The following DCDC1 variants were observed in gnomAD, a reference collection of about 807,000 sequenced individuals.
The protein encoded by DCDC1 is doublecortin domain-containing protein 1.
A neutral mutation model predicts 178.3 loss-of-function variants in DCDC1; 200 were observed. The ratio of observed to expected loss-of-function variants is 1.12; its 90% CI spans 1.00 to 1.26. DCDC1 has a LOEUF of 1.26. Ranked by LOEUF, DCDC1 falls within the 50% of genes most tolerant of loss-of-function variation. The pLI, the probability that DCDC1 is intolerant of heterozygous loss-of-function variation, is 0.00. For synonymous variants in DCDC1, 690 were observed against 604.8 expected (o/e 1.14, Z -2.07); for missense variants, 1,983 against 1,749.2 (o/e 1.13, Z -2.38).
intron 20 of DCDC1, among the ~76,000 whole-genome samples, chr11:31,048,668 A>G (rs1955027952): frequency 6.6e-6 from 1 of 152,174 alleles, no homozygotes; most frequent in South Asian, 2.1e-4. Flanking sequence ...CCTGGCTAAC[A>G]TGGTGAAACT....
At chr11:31,189,679 C>T (rs1969915285) in intron 9 of DCDC1, among the ~76,000 whole-genome samples, 2 of 152,306 alleles carry the variant, frequency 1.3e-5, no homozygotes, top group South Asian at 4.1e-4. Context: ...TCACTTCAAC[C>T]TTTGCTTCTG....
chr11:30,994,985 A>G (rs1175599623), intron 20 of DCDC1, among the ~76,000 whole-genome samples: 1 of 151,508 alleles, frequency 6.6e-6, no homozygotes, highest in Admixed American at 6.6e-5. Flanking sequence ...AGAAAGAAAT[A>G]TAAGAGTCCT....
At chr11:31,184,686 T>C (rs974693933) in intron 9 of DCDC1, among the ~76,000 whole-genome samples, 30 of 152,274 alleles carry the variant, frequency 2.0e-4, no homozygotes, top group African/African-American at 7.2e-4. Context: ...TCACTGGTCA[T>C]TAGAGAAATA....
Position 31,127,568 on chromosome 11 carries a change from G to C in DCDC1, c.1386C>G (p.Pro462=), listed in dbSNP as rs1171816852. The C allele has an allele frequency of 2.8e-6, 2 of 702,704 alleles. No homozygotes were observed. Among genetic ancestry groups the C allele is most frequent in the Non-Finnish European group, 5.2e-6 (2 of 384,802 alleles). The allele number at this position is 702,704 out of a possible 1,614,324, so 43.5% of individuals were successfully genotyped here. A position where few individuals can be genotyped will look rare whatever the true frequency, so the allele number is the denominator to read the frequency against. ...SNIGHLCKLG[P]QLQAEQEQFS... ...ATTGCTCCTGCTCAGCCTGTAATTG[G>C]GGGCCAAGTTTACAGAGATGACCTA... The change falls in exon 11 of 39, where the codon CCC becomes CCG. Residue 462 remains proline (P), a synonymous_variant. Transcript: ENST00000684477.
intron 21 of DCDC1, among the ~76,000 whole-genome samples, chr11:30,940,612 T>G (rs1947576785): frequency 6.6e-6 from 1 of 152,192 alleles, no homozygotes; most frequent in Admixed American, 6.6e-5. Flanking sequence ...CCCTGGAGTT[T>G]TGGTAACATT....
intron 20 of DCDC1, among the ~76,000 whole-genome samples, chr11:31,000,155 C>G (rs1393968915): frequency 1.3e-5 from 2 of 152,184 alleles, no homozygotes; most frequent in African/African-American, 2.4e-5. Context: ...AATCTTCCTT[C>G]AGACAAACAT....
At chr11:31,231,622 T>C (rs761242912) in intron 9 of DCDC1, among the ~76,000 whole-genome samples, 2 of 152,172 alleles carry the variant, frequency 1.3e-5, no homozygotes, top group African/African-American at 2.4e-5. Context: ...TCCTGCTCTT[T>C]GTATACCTTC....
chr11:30,905,022 G>T lies in DCDC1; in HGVS notation c.4247C>A (p.Ala1416Glu), dbSNP rs765341550. 1.2e-6 allele frequency: 2 copies of T among 1,613,738 alleles called. No homozygotes were observed. Among genetic ancestry groups the T allele is most frequent in the African/African-American group, 1.3e-5 (1 of 74,906 alleles). Residue 1416 changes from alanine (A) to glutamate (E), a missense_variant, in exon 31 of 39, where the codon GCA (alanine) becomes GAA (glutamate). Ala to Glu is a moderately radical substitution (Grantham distance 107). Transcript: ENST00000684477. ...ATHQKAVKII[A>E]YKNGDGYRNG... ...ACGATACCCATCCCCATTTTTGTAT[G>T]CAATTATTTTCACTGCCTTCTGGTG...
intron 22 of DCDC1, 53 bp downstream of exon 22, chr11:30,931,718 A>C (rs1220283250): frequency 2.7e-6 from 4 of 1,498,184 alleles, no homozygotes; most frequent in Non-Finnish European, 3.6e-6. Context: ...AAGAACACAA[A>C]ATCTGTACAA....
chr11:31,026,361 T>C (rs1203435978), intron 20 of DCDC1, among the ~76,000 whole-genome samples: 3 of 151,756 alleles, frequency 2.0e-5, no homozygotes, highest in Non-Finnish European at 4.4e-5. Flanking sequence ...TCAATTTGAG[T>C]CTAACATAAC....
At chr11:30,959,669 C>A (rs920159930) in intron 20 of DCDC1, among the ~76,000 whole-genome samples, 9 of 152,126 alleles carry the variant, frequency 5.9e-5, no homozygotes, top group Admixed American at 6.5e-5. Flanking sequence ...CCAGTGACTG[C>A]CTAAAAGGTC....
At chr11:31,225,123 A>G (rs1346347677) in intron 9 of DCDC1, among the ~76,000 whole-genome samples, 5 of 152,166 alleles carry the variant, frequency 3.3e-5, no homozygotes, top group Admixed American at 6.5e-5. Flanking sequence ...ATGCCCATCA[A>G]TCAACAAGTG....
rs866316737 is a variant in DCDC1, at chr11:30,967,397, T to C, written c.2592-14829A>G. 2.0e-5 allele frequency among the ~76,000 whole-genome samples: 3 copies of C among 152,274 alleles called. No homozygotes were observed. In the South Asian group the frequency reaches 6.2e-4, roughly 32 times the overall value. ...ATGGGAGTTCACTCATGATTGTTTA[T>C]CTAGAAAACCCCATCGTCTCAGCCC... On this transcript the variant is annotated intron_variant, in intron 20 of 38. Coordinates refer to ENST00000684477, the MANE Select transcript of DCDC1 (RefSeq NM_001387274.1).
intron 21 of DCDC1, among the ~76,000 whole-genome samples, chr11:30,934,519 GC>G (rs1386285392): frequency 3.3e-5 from 5 of 152,122 alleles, no homozygotes; most frequent in Admixed American, 3.3e-4. Context: ...TCTCCCACAG[GC>G]TTACTGAATA....
intron 34 of DCDC1, among the ~76,000 whole-genome samples, chr11:30,896,310 C>G (rs1289051803): frequency 6.6e-6 from 1 of 152,126 alleles, no homozygotes; most frequent in Non-Finnish European, 1.5e-5. Context: ...CATGCCTCTT[C>G]CCTAGTCCTA....
chr11:31,274,261 C>T (rs539775237), intron 7 of DCDC1, among the ~76,000 whole-genome samples: 11 of 152,198 alleles, frequency 7.2e-5, no homozygotes, highest in Admixed American at 2.0e-4. Context: ...ATTTACATAC[C>T]GACAACTCCC....
intron 6 of DCDC1, among the ~76,000 whole-genome samples, chr11:31,300,792 A>C (rs533658255): frequency 5.3e-5 from 8 of 152,174 alleles, no homozygotes; most frequent in Admixed American, 1.3e-4. Context: ...TCGATTTTGT[A>C]AATGCATTCA....
At chr11:31,250,385 TACACACACACACAC>T (rs10640581) in intron 8 of DCDC1, among the ~76,000 whole-genome samples, 1 of 92,744 alleles carries the variant, frequency 1.1e-5, no homozygotes, top group Non-Finnish European at 2.2e-5. Context: ...AGTGAATGAA[TACACACACACACAC>T]ACACACACAC....
At chr11:31,323,172 G>A (rs1397391898) in intron 3 of DCDC1, among the ~76,000 whole-genome samples, 2 of 152,000 alleles carry the variant, frequency 1.3e-5, no homozygotes, top group African/African-American at 4.8e-5. Context: ...AGATTTCTAT[G>A]GCATAAATTT....
Sources: allele counts gnomAD v4.1 joint callset (sites outside exome capture counted in the v4.1 genomes callset), GRCh38; gene constraint gnomAD v4.1.1; transcripts MANE v1.5; gene names NCBI Gene and HGNC (gene_info 2026-07-23, HGNC 2026-07-21).